Variants in NR6A1 observed in about 807,000 individuals in gnomAD.
NR6A1 encodes retinoic acid receptor-related testis-associated receptor.
Under a neutral mutation model 59.1 loss-of-function variants are expected in NR6A1, and 7 were observed. The observed-to-expected ratio is 0.12, with a 90% confidence interval of 0.07 to 0.22. The LOEUF (loss-of-function observed/expected upper bound fraction) is 0.22, where lower values mean the gene tolerates loss of function less well. NR6A1 is among the 10% of genes least tolerant of loss of function. The pLI is 1.00. For missense variants in NR6A1, 468 were observed against 611.6 expected (o/e 0.77, Z 2.48); for synonymous variants, 243 against 236.1 (o/e 1.03, Z -0.27).
intron 2 of NR6A1, chr9:124,599,078 C>T: frequency 2.8e-6 from 2 of 721,006 alleles, no homozygotes; most frequent in Admixed American, 1.9e-5. Context: ...CTTGACGTCA[C>T]CAGTGCCTCG....
chr9:124,616,408 A>G (rs1394368884), intron 2 of NR6A1, among the ~76,000 whole-genome samples: 2 of 150,626 alleles, frequency 1.3e-5, no homozygotes, highest in Non-Finnish European at 3.0e-5. Context: ...ATCTCAAAAA[A>G]AAAAAAAAAA....
At chr9:124,688,074 C>G (rs898150652) in intron 2 of NR6A1, among the ~76,000 whole-genome samples, 3 of 152,146 alleles carry the variant, frequency 2.0e-5, no homozygotes, top group Non-Finnish European at 4.4e-5. Flanking sequence ...GGAATCTCAC[C>G]ACTTTGGGAG....
intron 3 of NR6A1, among the ~76,000 whole-genome samples, chr9:124,552,812 A>G (rs1455900569): frequency 6.6e-6 from 1 of 152,176 alleles, no homozygotes; most frequent in African/African-American, 2.4e-5. Flanking sequence ...ATAAATTATA[A>G]ACCACCTAAA....
At chr9:124,614,233 C>T (rs1463134776) in intron 2 of NR6A1, among the ~76,000 whole-genome samples, 1 of 152,026 alleles carries the variant, frequency 6.6e-6, no homozygotes, top group Non-Finnish European at 1.5e-5. Flanking sequence ...GAGGGGTCCT[C>T]CAAGTCTTCA....
At chr9:124,660,403 A>C (rs1837393359) in intron 2 of NR6A1, among the ~76,000 whole-genome samples, 1 of 152,208 alleles carries the variant, frequency 6.6e-6, no homozygotes, top group Admixed American at 6.5e-5. Flanking sequence ...CTGAGCCTTC[A>C]TGCCGAGCAG....
At chr9:124,726,150 A>G (rs1265120776) in intron 2 of NR6A1, among the ~76,000 whole-genome samples, 1 of 152,202 alleles carries the variant, frequency 6.6e-6, no homozygotes, top group Non-Finnish European at 1.5e-5. Flanking sequence ...ATAAACACTC[A>G]AGTTTTTTTA....
chr9:124,620,070 A>G (rs994713928), intron 2 of NR6A1, among the ~76,000 whole-genome samples: 4 of 152,204 alleles, frequency 2.6e-5, no homozygotes, highest in Admixed American at 6.5e-5. Context: ...TCCAAAAAAA[A>G]GAAAATTCAA....
At chr9:124,576,657 T>C (rs1363945941) in intron 2 of NR6A1, among the ~76,000 whole-genome samples, 2 of 152,226 alleles carry the variant, frequency 1.3e-5, no homozygotes, top group Non-Finnish European at 2.9e-5. Flanking sequence ...CGAGCTTTGG[T>C]TTCCTAATCT....
intron 2 of NR6A1, among the ~76,000 whole-genome samples, chr9:124,572,141 C>T (rs1176380378): frequency 3.3e-5 from 5 of 152,200 alleles, no homozygotes; most frequent in African/African-American, 7.2e-5. Context: ...GGCTGAGGGA[C>T]GAGGCAAAAG....
intron 2 of NR6A1, among the ~76,000 whole-genome samples, chr9:124,674,729 A>G (rs906730921): frequency 6.6e-6 from 1 of 152,194 alleles, no homozygotes; most frequent in Admixed American, 6.6e-5. Flanking sequence ...TCATATACCC[A>G]TCTTCAAAAA....
chr9:124,575,216 C>G (rs1834553992), intron 2 of NR6A1, among the ~76,000 whole-genome samples: 1 of 152,202 alleles, frequency 6.6e-6, no homozygotes, highest in African/African-American at 2.4e-5. Context: ...ATTTCTCTAT[C>G]AAAACCTAGT....
At chr9:124,749,822 T>G (rs1840444943) in intron 1 of NR6A1, among the ~76,000 whole-genome samples, 1 of 152,186 alleles carries the variant, frequency 6.6e-6, no homozygotes, top group Non-Finnish European at 1.5e-5. Context: ...TATTATAAGT[T>G]CCACAGGCTT....
chr9:124,658,845 T>C (rs551237152), intron 2 of NR6A1: 2 of 152,304 alleles, frequency 1.3e-5, no homozygotes, highest in Non-Finnish European at 2.9e-5. Flanking sequence ...AATGGAATAC[T>C]GTCAGTGGAT....
chr9:124,527,313 G>A (rs1426415448), intron 7 of NR6A1, among the ~76,000 whole-genome samples: 1 of 152,190 alleles, frequency 6.6e-6, no homozygotes, highest in Non-Finnish European at 1.5e-5. Context: ...TCAGCCTCTG[G>A]TATCAATGGC....
intron 3 of NR6A1, among the ~76,000 whole-genome samples, chr9:124,550,811 C>T (rs1833758628): frequency 6.6e-6 from 1 of 152,154 alleles, no homozygotes; most frequent in African/African-American, 2.4e-5. Flanking sequence ...GCTGGGATTA[C>T]AGGTGTGAGC....
intron 2 of NR6A1, among the ~76,000 whole-genome samples, chr9:124,624,230 A>G (rs1836169125): frequency 6.6e-6 from 1 of 152,224 alleles, no homozygotes; most frequent in South Asian, 2.1e-4. Flanking sequence ...ATTTCCTTCC[A>G]GGCAAATGAT....
At chr9:124,640,771 C>A (rs756502258) in intron 2 of NR6A1, among the ~76,000 whole-genome samples, 2 of 151,970 alleles carry the variant, frequency 1.3e-5, no homozygotes, top group Non-Finnish European at 2.9e-5. Flanking sequence ...TACAGGCATG[C>A]ACCACCACAC....
chr9:124,572,804 G>A (rs1025259541), intron 2 of NR6A1, among the ~76,000 whole-genome samples: 1 of 152,208 alleles, frequency 6.6e-6, no homozygotes, highest in African/African-American at 2.4e-5. Flanking sequence ...CTGTGGACAT[G>A]ACAGAGATGA....
At chr9:124,591,424 C>A (rs1270278645) in intron 2 of NR6A1, among the ~76,000 whole-genome samples, 1 of 152,200 alleles carries the variant, frequency 6.6e-6, no homozygotes, top group African/African-American at 2.4e-5. Context: ...TCTCCAACAC[C>A]AGGAAGCCTG....
Sources: gnomAD v4.1 joint callset for allele counts (sites outside exome capture counted in the v4.1 genomes callset) on GRCh38, gnomAD v4.1.1 for gene constraint, MANE v1.5 for transcripts, NCBI Gene and HGNC (gene_info 2026-07-23, HGNC 2026-07-21) for gene names.